The following PRKG2 variants were observed in gnomAD, a reference collection of about 807,000 sequenced individuals.
PRKG2 encodes cGMP-dependent protein kinase 2.
A neutral mutation model predicts 97.2 loss-of-function variants in PRKG2; 33 were observed. That is an observed-to-expected ratio of 0.34 (90% CI 0.26 to 0.45). PRKG2 has a LOEUF of 0.45. PRKG2 is among the 20% of genes least tolerant of loss of function. PRKG2 has a pLI of 1.00. For missense variants in PRKG2, 638 were observed against 900.0 expected (o/e 0.71, Z 3.73); for synonymous variants, 330 against 321.8 (o/e 1.03, Z -0.27).
chr4:81,154,234 G>C (rs1748743355), intron 6 of PRKG2: 3 of 160,746 alleles, frequency 1.9e-5, no homozygotes, highest in African/African-American at 7.2e-5. Flanking sequence ...GGTAAACAAA[G>C]CAGCCAGGAA....
At chr4:81,132,899 C>T (rs1446981992) in intron 14 of PRKG2, among the ~76,000 whole-genome samples, 1 of 151,672 alleles carries the variant, frequency 6.6e-6, no homozygotes, top group Non-Finnish European at 1.5e-5. Flanking sequence ...CTGATTACTC[C>T]AATAAATGAG....
intron 3 of PRKG2, among the ~76,000 whole-genome samples, chr4:81,173,149 A>G (rs1750640227): frequency 6.6e-6 from 1 of 152,114 alleles, no homozygotes; most frequent in African/African-American, 2.4e-5. Context: ...TGCTTTTACT[A>G]TTTGCTATTC....
At chr4:81,118,911 C>G (rs1744810074) in intron 14 of PRKG2, among the ~76,000 whole-genome samples, 1 of 152,150 alleles carries the variant, frequency 6.6e-6, no homozygotes, top group Non-Finnish European at 1.5e-5. Context: ...CCTCCCACCT[C>G]AGGCTCCCAA....
chr4:81,203,833 C>A (rs896239409), intron 2 of PRKG2, among the ~76,000 whole-genome samples: 2 of 152,084 alleles, frequency 1.3e-5, no homozygotes, highest in Non-Finnish European at 2.9e-5. Flanking sequence ...GTTCCCTCTG[C>A]CTGAAATCCT....
intron 2 of PRKG2, among the ~76,000 whole-genome samples, chr4:81,179,677 A>G (rs766803934): frequency 1.3e-5 from 2 of 152,226 alleles, no homozygotes; most frequent in Non-Finnish European, 2.9e-5. Flanking sequence ...AAATAAATGT[A>G]GAAAACAGCC....
rs184051631 is a variant in PRKG2, at chr4:81,112,719, C to T, written c.1777-2108G>A. Among the ~76,000 whole-genome samples, 22 of 152,278 alleles carry T rather than the reference C, an allele frequency of 1.4e-4. 2 individuals carry two copies. In the East Asian group the frequency reaches 3.5e-3, roughly 24 times the overall value. ...ATATCAACTTTGGTCTAATCCATTTCGTCAGCGGAAACTGGACACTCAGAC... is the reference window on the plus strand; with the variant it reads ...ATATCAACTTTGGTCTAATCCATTTTGTCAGCGGAAACTGGACACTCAGAC... On this transcript the variant is annotated intron_variant, in intron 14 of 18. Coordinates refer to ENST00000264399, the MANE Select transcript of PRKG2 (RefSeq NM_006259.3).
intron 14 of PRKG2, among the ~76,000 whole-genome samples, chr4:81,116,685 T>C (rs1744560965): frequency 6.6e-6 from 1 of 152,110 alleles, no homozygotes; most frequent in Admixed American, 6.6e-5. Flanking sequence ...GTATGTTATT[T>C]TTTGATTTTG....
intron 15 of PRKG2, among the ~76,000 whole-genome samples, chr4:81,106,455 C>T (rs926350968): frequency 2.0e-5 from 3 of 152,008 alleles, no homozygotes; most frequent in South Asian, 2.1e-4. Context: ...AGGACAATAT[C>T]GCATAGATGA....
At chr4:81,127,171 G>T (rs964848110) in intron 14 of PRKG2, among the ~76,000 whole-genome samples, 1 of 152,102 alleles carries the variant, frequency 6.6e-6, no homozygotes, top group Admixed American at 6.5e-5. Context: ...AAGATCAGAT[G>T]GTTGTAGACG....
chr4:81,181,228 T>A (rs1031649435), intron 2 of PRKG2, among the ~76,000 whole-genome samples: 60 of 152,132 alleles, frequency 3.9e-4, no homozygotes, highest in African/African-American at 1.4e-3. Context: ...AGCTAGAAAT[T>A]AATAACAGAA....
At chr4:81,144,436 A>G (rs1747603547) in intron 9 of PRKG2, 106 bp from the exon 10 acceptor site, 2 of 827,738 alleles carry the variant, frequency 2.4e-6, no homozygotes, top group Non-Finnish European at 3.8e-6. Flanking sequence ...TGACTTTATA[A>G]ATCATTTTTT....
chr4:81,204,633 G>A lies in PRKG2; in HGVS notation c.415C>T (p.Pro139Ser), dbSNP rs780927194. 2 of 1,614,024 alleles carry A rather than the reference G, an allele frequency of 1.2e-6. No homozygotes were observed. The highest frequency in any genetic ancestry group is 1.3e-5 in the African/African-American group (1 of 74,912). Residue 139 changes from proline (P) to serine (S), a missense_variant, in exon 2 of 19, where the codon CCC becomes TCC. Pro to Ser is a moderately conservative substitution (Grantham distance 74). Around this residue, in one of 3 missense-constraint regions of PRKG2, gnomAD observed 332 missense variants for 421.7 expected, o/e 0.79. Coordinates refer to ENST00000264399, the MANE Select transcript of PRKG2 (RefSeq NM_006259.3). ...PTTRTYDLNK[P>S]PEFSFEKARV... is the part of the protein sequence containing the mutation. ...GCTTTCTCAAAGGAAAATTCAGGGGGTTTGTTCAGGTCATAGGTCCGGGTT... is the reference window on the plus strand; with the variant it reads ...GCTTTCTCAAAGGAAAATTCAGGGGATTTGTTCAGGTCATAGGTCCGGGTT...
At chr4:81,096,351 C>G (rs1376183307) in intron 17 of PRKG2, among the ~76,000 whole-genome samples, 1 of 151,818 alleles carries the variant, frequency 6.6e-6, no homozygotes, top group Admixed American at 6.6e-5. Flanking sequence ...GGTAACATGG[C>G]AAGACACCCA....
At chr4:81,172,303 A>C (rs1407803556) in intron 3 of PRKG2, among the ~76,000 whole-genome samples, 1 of 152,158 alleles carries the variant, frequency 6.6e-6, no homozygotes, top group Non-Finnish European at 1.5e-5. Context: ...TGTCATAAAA[A>C]CACAGAGAAA....
At chr4:81,189,711 T>C (rs1261139750) in intron 2 of PRKG2, among the ~76,000 whole-genome samples, 1 of 151,762 alleles carries the variant, frequency 6.6e-6, no homozygotes, top group Non-Finnish European at 1.5e-5. Flanking sequence ...TGTATACATA[T>C]GTAACTAACC....
intron 1 of PRKG2, among the ~76,000 whole-genome samples, chr4:81,205,669 C>T (rs1398402860): frequency 6.6e-6 from 1 of 152,196 alleles, no homozygotes; most frequent in Non-Finnish European, 1.5e-5. Context: ...TGGTCACCAA[C>T]AAGAAGAGTT....
chr4:81,171,179 T>C (rs543858212), intron 4 of PRKG2, among the ~76,000 whole-genome samples: 21 of 144,806 alleles, frequency 1.5e-4, no homozygotes, highest in East Asian at 7.0e-4. Context: ...CCCCTCCCCA[T>C]TGGGCTCCAG....
chr4:81,134,805 T>A (rs371154227), intron 14 of PRKG2, among the ~76,000 whole-genome samples: 4 of 152,140 alleles, frequency 2.6e-5, no homozygotes, highest in Admixed American at 6.5e-5. Context: ...AATCATATTA[T>A]CTTCTTTTAT....
chr4:81,201,880 A>T (rs1437425596), intron 2 of PRKG2, among the ~76,000 whole-genome samples: 1 of 152,186 alleles, frequency 6.6e-6, no homozygotes, highest in African/African-American at 2.4e-5. Context: ...TGGCTTTCTG[A>T]TCCAGTATGG....
Sources: gnomAD v4.1 joint callset for allele counts (sites outside exome capture counted in the v4.1 genomes callset) on GRCh38, gnomAD v4.1.1 for gene constraint, gnomAD v4.1.1 regional missense constraint, MANE v1.5 for transcripts, NCBI Gene and HGNC (gene_info 2026-07-23, HGNC 2026-07-21) for gene names.